The following PBX1 variants were observed in gnomAD, a reference collection of about 807,000 sequenced individuals.
PBX1 encodes pre-B-cell leukemia transcription factor 1.
In PBX1, 6 loss-of-function variants were observed where a neutral mutation model predicts 53.4. The observed-to-expected ratio is 0.11, with a 90% confidence interval of 0.06 to 0.22. PBX1 has a LOEUF of 0.22. PBX1 is among the 10% of genes least tolerant of loss of function. The pLI is 1.00. For synonymous variants in PBX1, 204 were observed against 212.3 expected (o/e 0.96, Z 0.34); for missense variants, 251 against 551.4 (o/e 0.46, Z 5.46).
Position 164,572,070 on chromosome 1 carries a change from C to T in PBX1, c.265+8759C>T, listed in dbSNP as rs533218586. 9.3e-5 allele frequency among the ~76,000 whole-genome samples: 14 copies of T among 151,278 alleles called. 1 individual carries two copies. The South Asian group carries it at 2.7e-3, about 30-fold the overall frequency. On this transcript the variant is annotated intron_variant, in intron 2 of 8. Transcript: ENST00000420696. ...TACAGGCATGGGCTACCACACCCAGCTGATTTTTGTATTGTTAGTAGAGAT... is the reference window on the plus strand; with the variant it reads ...TACAGGCATGGGCTACCACACCCAGTTGATTTTTGTATTGTTAGTAGAGAT...
intron 2 of PBX1, among the ~76,000 whole-genome samples, chr1:164,667,903 C>T (rs1339845930): frequency 6.6e-6 from 1 of 152,134 alleles, no homozygotes; most frequent in East Asian, 1.9e-4. Context: ...TTCCTAGTCT[C>T]AGGTGTTGCA....
chr1:164,883,075 T>C (rs1475391315), intron 2 of PBX1, among the ~76,000 whole-genome samples: 1 of 152,216 alleles, frequency 6.6e-6, no homozygotes, highest in Non-Finnish European at 1.5e-5. Flanking sequence ...TTTCAAGCTC[T>C]TTAGGTGAAA....
intron 2 of PBX1, among the ~76,000 whole-genome samples, chr1:164,757,579 T>G (rs1227160205): frequency 1.3e-5 from 2 of 152,236 alleles, no homozygotes; most frequent in African/African-American, 4.8e-5. Context: ...ATCATATAAA[T>G]TCTATTATCC....
intron 2 of PBX1, among the ~76,000 whole-genome samples, chr1:164,707,457 A>AGAGAGAG (rs1663502602): frequency 4.0e-5 from 4 of 100,984 alleles, no homozygotes; most frequent in African/African-American, 1.8e-4. Flanking sequence ...GAGAGAGAGA[A>AGAGAGAG]AGTGCTGAAT....
rs1421545656 is a variant in PBX1 at position 164,559,777 on chromosome 1, C to G, written c.-46C>G. 3 of 1,460,084 alleles carry G rather than the reference C, an allele frequency of 2.1e-6. No homozygotes were observed. The highest frequency in any genetic ancestry group is 2.8e-6 in the Non-Finnish European group (3 of 1,086,452). The allele number at this position is 1,460,084 out of a possible 1,614,324, so 90.4% of individuals were successfully genotyped here. ...CCTTGGTGCTTCCCAGGAGCCGAGC[C>G]GAGGAGCAGAAGAGGAAGAGCCGGG... On this transcript the variant is annotated 5_prime_UTR_variant, in exon 1 of 9. Coordinates refer to ENST00000420696, the MANE Select transcript of PBX1 (RefSeq NM_002585.4).
At chr1:164,751,096 A>C (rs1009908551) in intron 2 of PBX1, among the ~76,000 whole-genome samples, 2 of 151,960 alleles carry the variant, frequency 1.3e-5, no homozygotes, top group Non-Finnish European at 2.9e-5. Flanking sequence ...CGGGCGGATC[A>C]CTTGAGGTCA....
rs1052667327 is a variant in PBX1 at position 164,789,964 on chromosome 1, G to T, written c.266-2530G>T. On this transcript the variant is annotated intron_variant, in intron 2 of 8. Transcript: ENST00000420696. ...CTATATTTATTAATGGCTCAGAGGC[G>T]ATTCTTTTTTTTTTCTAATTTGTAA... 4.4e-5 allele frequency among the ~76,000 whole-genome samples: 6 copies of T among 137,204 alleles called. No homozygotes were observed. In the East Asian group the frequency reaches 6.1e-4, roughly 14 times the overall value. 90.0% of individuals were successfully genotyped at this position (137,204 alleles called of 152,430 possible).
chr1:164,715,378 T>C (rs1664026597), intron 2 of PBX1, among the ~76,000 whole-genome samples: 1 of 152,178 alleles, frequency 6.6e-6, no homozygotes, highest in Non-Finnish European at 1.5e-5. Context: ...GTTTTCTTTG[T>C]AGTTGGTTGT....
At chr1:164,693,511 C>G (rs1163590765) in intron 2 of PBX1, among the ~76,000 whole-genome samples, 3 of 152,114 alleles carry the variant, frequency 2.0e-5, no homozygotes, top group East Asian at 1.9e-4. Context: ...GTTTATACTG[C>G]TTCAGTTGCT....
chr1:164,805,493 C>T (rs1421649702), intron 4 of PBX1, among the ~76,000 whole-genome samples: 1 of 152,194 alleles, frequency 6.6e-6, no homozygotes, highest in East Asian at 1.9e-4. Context: ...GCACCATCCG[C>T]ATACCACCAG....
intron 2 of PBX1, among the ~76,000 whole-genome samples, chr1:164,779,391 T>C (rs1667824680): frequency 6.6e-6 from 1 of 152,036 alleles, no homozygotes; most frequent in East Asian, 1.9e-4. Context: ...CTGGGGTCCT[T>C]GTTGGAGTAG....
chr1:164,645,379 C>G (rs920283239), intron 2 of PBX1, among the ~76,000 whole-genome samples: 49 of 152,194 alleles, frequency 3.2e-4, no homozygotes, highest in African/African-American at 9.9e-4. Context: ...GTCACTGTCT[C>G]TGTTCCCAAT....
At chr1:164,702,079 A>G (rs1219000632) in intron 2 of PBX1, among the ~76,000 whole-genome samples, 1 of 152,208 alleles carries the variant, frequency 6.6e-6, no homozygotes, top group African/African-American at 2.4e-5. Flanking sequence ...CACCTTTGTT[A>G]AAAGGTATAG....
chr1:164,627,234 AT>A (rs1005449024), intron 2 of PBX1, among the ~76,000 whole-genome samples: 114 of 151,644 alleles, frequency 7.5e-4, no homozygotes, highest in African/African-American at 2.5e-3. Context: ...CCATTTGCAA[AT>A]TTTTTTTTAA....
At chr1:164,676,154 A>C (rs1222032567) in intron 2 of PBX1, among the ~76,000 whole-genome samples, 1 of 152,140 alleles carries the variant, frequency 6.6e-6, no homozygotes, top group East Asian at 1.9e-4. Context: ...GTGCTTTAAC[A>C]AATTAGTCTT....
chr1:164,581,544 G>T (rs1222437676), intron 2 of PBX1, among the ~76,000 whole-genome samples: 1 of 152,052 alleles, frequency 6.6e-6, no homozygotes, highest in African/African-American at 2.4e-5. Context: ...TGATTAGTGG[G>T]TGTTTTCAGT....
chr1:164,835,237 T>C (rs964134125), intron 8 of PBX1, among the ~76,000 whole-genome samples: 1 of 128,002 alleles, frequency 7.8e-6, no homozygotes, highest in Non-Finnish European at 1.6e-5. Context: ...CTTTTGATTT[T>C]GGTTTTTTTT....
At chr1:164,589,327 GAA>G (rs1306918214) in intron 2 of PBX1, among the ~76,000 whole-genome samples, 1 of 152,066 alleles carries the variant, frequency 6.6e-6, no homozygotes, top group Non-Finnish European at 1.5e-5. Flanking sequence ...TGTTTGAGGG[GAA>G]GAGAGTATGG....
At chr1:164,709,998 T>A (rs1456487300) in intron 2 of PBX1, among the ~76,000 whole-genome samples, 1 of 151,870 alleles carries the variant, frequency 6.6e-6, no homozygotes, top group Non-Finnish European at 1.5e-5. Context: ...GGCCCAGGAG[T>A]CCCTAGAATT....
Sources: allele counts gnomAD v4.1 joint callset (sites outside exome capture counted in the v4.1 genomes callset), GRCh38; gene constraint gnomAD v4.1.1; transcripts MANE v1.5; gene names NCBI Gene and HGNC (gene_info 2026-07-23, HGNC 2026-07-21).